Variants in NIPBL observed in about 807,000 individuals in gnomAD.
NIPBL encodes the protein nipped-B-like protein.
NIPBL carries 19 observed loss-of-function variants against 321.8 expected under a neutral mutation model. That is an observed-to-expected ratio of 0.06 (90% CI 0.04 to 0.09). The LOEUF is 0.09. Among genes scored for constraint, NIPBL ranks in the 10% least tolerant of loss-of-function variants. The pLI is 1.00. For missense variants in NIPBL, 2,210 were observed against 3,327.0 expected (o/e 0.66, Z 8.26); for synonymous variants, 1,106 against 1,114.1 (o/e 0.99, Z 0.14).
chr5:36,930,184 T>A (rs1749677281), intron 1 of NIPBL, among the ~76,000 whole-genome samples: 1 of 152,082 alleles, frequency 6.6e-6, no homozygotes, highest in Non-Finnish European at 1.5e-5. Flanking sequence ...ATATTAACAA[T>A]TTTGAGTCTT....
intron 42 of NIPBL, among the ~76,000 whole-genome samples, chr5:37,054,699 A>C (rs1173826640): frequency 1.3e-5 from 2 of 152,218 alleles, no homozygotes; most frequent in Non-Finnish European, 2.9e-5. Context: ...CCAACAAAGA[A>C]TGTCAGAGAA....
intron 1 of NIPBL, among the ~76,000 whole-genome samples, chr5:36,913,106 T>C (rs1242616078): frequency 6.6e-6 from 1 of 152,210 alleles, no homozygotes; most frequent in Non-Finnish European, 1.5e-5. Context: ...ATTGATTGAT[T>C]CCAGATAATC....
intron 22 of NIPBL, among the ~76,000 whole-genome samples, chr5:37,015,603 G>A (rs369712054): frequency 9.2e-5 from 14 of 152,166 alleles, no homozygotes; most frequent in African/African-American, 2.6e-4. Context: ...GGTGGTGCAC[G>A]CCTGTAGTCC....
At chr5:36,885,010 C>T (rs1239718405) in intron 1 of NIPBL, among the ~76,000 whole-genome samples, 1 of 151,888 alleles carries the variant, frequency 6.6e-6, no homozygotes, top group Admixed American at 6.6e-5. Context: ...TGGAGTATTG[C>T]AAGAAGTGAA....
At chr5:36,949,493 T>C (rs1179575636) in intron 1 of NIPBL, among the ~76,000 whole-genome samples, 1 of 151,838 alleles carries the variant, frequency 6.6e-6, no homozygotes, top group African/African-American at 2.4e-5. Flanking sequence ...CAGGTTCATA[T>C]GAGGATTAAA....
chr5:37,033,685 T>TACGCACACAC (rs1554028794), intron 32 of NIPBL, among the ~76,000 whole-genome samples: 14 of 65,042 alleles, frequency 2.2e-4, no homozygotes, highest in African/African-American at 1.2e-3. Context: ...TATATGTACA[T>TACGCACACAC]ACACACACAC....
At chr5:36,901,820 G>T (rs974132383) in intron 1 of NIPBL, among the ~76,000 whole-genome samples, 1 of 152,032 alleles carries the variant, frequency 6.6e-6, no homozygotes, top group African/African-American at 2.4e-5. Flanking sequence ...TAAGTTCTTT[G>T]AGAAATTGCT....
chr5:36,975,265 C>T (rs1743312204), intron 8 of NIPBL, among the ~76,000 whole-genome samples: 1 of 152,164 alleles, frequency 6.6e-6, no homozygotes, highest in Non-Finnish European at 1.5e-5. Flanking sequence ...TGTAAATTGA[C>T]CACTTGCTTT....
At chr5:37,019,227 C>T in intron 24 of NIPBL, 84 bp from the exon 25 acceptor site, 1 of 880,514 alleles carries the variant, frequency 1.1e-6, no homozygotes, top group Non-Finnish European at 1.9e-6. Context: ...ATCAGTTTTT[C>T]CTTCAGATTT....
chr5:37,064,625 A>G lies in NIPBL; in HGVS notation c.8148A>G (p.Pro2716=), dbSNP rs1579633711. ...TGGATGTCATCGCTATTTGCTGTCC[A>G]AAGTACAAAGATCGACCACAAATTG... ...DVMDVIAICC[P]KYKDRPQIAR... Residue 2716 remains proline, a synonymous_variant, in exon 47 of 47, where the codon CCA becomes CCG. Coordinates refer to ENST00000282516, the MANE Select transcript of NIPBL (RefSeq NM_133433.4). 1 of 1,614,180 alleles carries G rather than the reference A, an allele frequency of 6.2e-7. No homozygotes were observed. Among genetic ancestry groups the G allele is most frequent in the Non-Finnish European group, 8.5e-7 (1 of 1,180,024 alleles).
chr5:36,942,387 G>A (rs145326140), intron 1 of NIPBL, among the ~76,000 whole-genome samples: 173 of 134,774 alleles, frequency 1.3e-3, no homozygotes, highest in African/African-American at 4.8e-3. Flanking sequence ...AGCTAAGATC[G>A]TGCCACTGCA....
rs1048587038 is a variant in NIPBL, at chr5:37,059,283, G to A, written c.7685+118G>A. 8 of 1,045,010 alleles carry A rather than the reference G, an allele frequency of 7.7e-6. No homozygotes were observed. The African/African-American group carries it at 1.3e-4, about 17-fold the overall frequency. 64.7% of individuals were successfully genotyped at this position (1,045,010 alleles called of 1,614,324 possible). The stretch of plus-strand genomic sequence containing the variant: ...ACATTTTGGGAGGCTGAGGCGGGCA[G>A]ATCCCCTGAGGTCAGGAGTTCGAGA... On this transcript the variant is annotated intron_variant, in intron 44 of 46. Transcript: ENST00000282516.
intron 1 of NIPBL, among the ~76,000 whole-genome samples, chr5:36,917,422 C>T (rs891730022): frequency 5.3e-5 from 8 of 151,910 alleles, no homozygotes; most frequent in African/African-American, 1.9e-4. Context: ...CAAAAATTTT[C>T]TCCCATTCTG....
intron 9 of NIPBL, among the ~76,000 whole-genome samples, chr5:36,983,107 T>G (rs1228474209): frequency 1.3e-5 from 2 of 151,920 alleles, no homozygotes; most frequent in Non-Finnish European, 2.9e-5. Context: ...AAACATAAAT[T>G]TAGTATTCTG....
chr5:36,878,007 G>T (rs1419268813), intron 1 of NIPBL, among the ~76,000 whole-genome samples: 1 of 152,164 alleles, frequency 6.6e-6, no homozygotes, highest in Non-Finnish European at 1.5e-5. Context: ...GTTATGTAAG[G>T]GCAGTTTTAA....
intron 3 of NIPBL, among the ~76,000 whole-genome samples, chr5:36,956,065 CAAA>C (rs542704963): frequency 1.9e-5 from 2 of 105,016 alleles, no homozygotes; most frequent in Admixed American, 2.0e-4. Flanking sequence ...ACTAAAAATA[CAAA>C]AAAAAAAAAA....
At position 37,051,814 on chromosome 5, in the gene NIPBL, A is replaced by G; in HGVS notation, c.6990A>G (p.Pro2330=). The G allele has an allele frequency of 6.2e-7, 1 of 1,614,062 alleles. No homozygotes were observed. Among genetic ancestry groups the G allele is most frequent in the Non-Finnish European group, 8.5e-7 (1 of 1,179,944 alleles). ...VPYLIAMGTD[P]EPAMRNKADQ... ...ATTTAATTGCTATGGGCACAGACCC[A>G]GAACCTGCTATGCGGAACAAGGCTG... is the stretch of plus-strand genomic sequence containing the variant. Residue 2330 remains proline (P), a synonymous_variant, in exon 41 of 47, where the codon CCA becomes CCG. Coordinates refer to ENST00000282516, the MANE Select transcript of NIPBL (RefSeq NM_133433.4).
intron 1 of NIPBL, among the ~76,000 whole-genome samples, chr5:36,927,761 A>T (rs1279186828): frequency 1.3e-5 from 2 of 152,200 alleles, no homozygotes; most frequent in Non-Finnish European, 2.9e-5. Flanking sequence ...AGGCAGTTGG[A>T]TATACCAGTC....
chr5:36,948,084 C>G (rs1290570432), intron 1 of NIPBL, among the ~76,000 whole-genome samples: 1 of 151,862 alleles, frequency 6.6e-6, no homozygotes, highest in Non-Finnish European at 1.5e-5. Flanking sequence ...GGCTTTAATT[C>G]AATGATTCTT....
Sources: gnomAD v4.1 joint callset for allele counts (sites outside exome capture counted in the v4.1 genomes callset) on GRCh38, gnomAD v4.1.1 for gene constraint, MANE v1.5 for transcripts, NCBI Gene and HGNC (gene_info 2026-07-23, HGNC 2026-07-21) for gene names.